The following RFX3 variants were observed in gnomAD, a reference collection of about 807,000 sequenced individuals.
RFX3 encodes regulatory factor X3, also known as transcription factor RFX3.
Under a neutral mutation model 98.6 loss-of-function variants are expected in RFX3, and 14 were observed. The observed-to-expected ratio is 0.14, with a 90% CI of 0.09 to 0.22. RFX3 has a LOEUF of 0.22. RFX3 is among the 10% of genes least tolerant of loss of function. The pLI, the probability that RFX3 is intolerant of heterozygous loss-of-function variation, is 1.00. For missense variants in RFX3, 639 were observed against 926.9 expected, an observed-to-expected ratio of 0.69 and a Z score of 4.03; for synonymous variants, 383 against 328.4, an observed-to-expected ratio of 1.17 and a Z score of -1.80.
At chr9:3,323,853 C>A (rs1280049663) in intron 4 of RFX3, 2 of 190,470 alleles carry the variant, frequency 1.1e-5, no homozygotes, top group Non-Finnish European at 2.5e-5. Context: ...TGTCTTACAG[C>A]CCTAATGGTA....
chr9:3,488,902 C>G (rs1455363339), intron 1 of RFX3: 1 of 984,534 alleles, frequency 1.0e-6, no homozygotes, highest in East Asian at 1.1e-4. Context: ...GCTGCTAAAA[C>G]AAAGACCATA....
chr9:3,338,132 G>C (rs1343685334), intron 3 of RFX3, among the ~76,000 whole-genome samples: 1 of 152,124 alleles, frequency 6.6e-6, no homozygotes, highest in Admixed American at 6.5e-5. Flanking sequence ...GAATTCAAGT[G>C]ACCTGATATT....
chr9:3,241,339 G>C (rs1175699655), intron 15 of RFX3, among the ~76,000 whole-genome samples: 1 of 151,616 alleles, frequency 6.6e-6, no homozygotes, highest in Non-Finnish European at 1.5e-5. Context: ...AGTATTTTTA[G>C]GGTACCTATT....
chr9:3,398,339 CA>C (rs35349999), intron 1 of RFX3, among the ~76,000 whole-genome samples: 27,367 of 139,932 alleles, frequency 0.2, 3,613 homozygotes, highest in African/African-American at 0.39. Flanking sequence ...AGACAGGAAA[CA>C]AAAAAAAAAA....
chr9:3,406,264 C>A (rs1404772830), intron 1 of RFX3, among the ~76,000 whole-genome samples: 4 of 151,728 alleles, frequency 2.6e-5, no homozygotes, highest in African/African-American at 9.7e-5. Flanking sequence ...ACTCGGCCAA[C>A]CCTGGGGACA....
chr9:3,445,628 T>C (rs1247552547), intron 1 of RFX3, among the ~76,000 whole-genome samples: 4 of 152,180 alleles, frequency 2.6e-5, no homozygotes, highest in Non-Finnish European at 4.4e-5. Flanking sequence ...CCCAATTTAT[T>C]TTTTAAAAAT....
chr9:3,384,337 C>G (rs796978842), intron 2 of RFX3, among the ~76,000 whole-genome samples: 5 of 152,216 alleles, frequency 3.3e-5, no homozygotes, highest in African/African-American at 1.2e-4. Flanking sequence ...AATATGTGCC[C>G]CACTCCTGAA....
chr9:3,388,961 A>C (rs564294117), intron 2 of RFX3, among the ~76,000 whole-genome samples: 1 of 152,252 alleles, frequency 6.6e-6, no homozygotes, highest in Non-Finnish European at 1.5e-5. Context: ...GATAGTAGAG[A>C]GGAGGACTAC....
Position 3,439,111 on chromosome 9 carries a change from G to C in RFX3, c.-8-43515C>G, listed in dbSNP as rs1055148675. Among the ~76,000 whole-genome samples, 5 of 151,664 alleles carry C rather than the reference G, an allele frequency of 3.3e-5. No individual in the cohort carries two copies. In the East Asian group the frequency reaches 9.6e-4, roughly 29 times the overall value. On this transcript the variant is annotated intron_variant, in intron 1 of 16. Coordinates refer to ENST00000617270, the MANE Select transcript of RFX3 (RefSeq NM_001282116.2). Reference sequence around the variant, plus strand: ...AAGAAACAAAAACGGGGATTAGAAAGTATTTTAAACTGAACGAAATTAAAA... The same window carrying C: ...AAGAAACAAAAACGGGGATTAGAAACTATTTTAAACTGAACGAAATTAAAA...
At chr9:3,449,886 GA>G (rs78122917) in intron 1 of RFX3, among the ~76,000 whole-genome samples, 4,922 of 100,192 alleles carry the variant, frequency 0.049, 273 homozygotes, top group African/African-American at 0.15. Context: ...AAAAAGAAAA[GA>G]AAAAAAAAAA....
chr9:3,244,159 C>T (rs969084670), intron 15 of RFX3, among the ~76,000 whole-genome samples: 9 of 152,014 alleles, frequency 5.9e-5, no homozygotes, highest in South Asian at 2.1e-4. Context: ...CATGCCACCA[C>T]GCCCGCCTAA....
At chr9:3,520,612 A>G (rs1818613182) in intron 1 of RFX3, among the ~76,000 whole-genome samples, 1 of 152,212 alleles carries the variant, frequency 6.6e-6, no homozygotes, top group Admixed American at 6.5e-5. Context: ...GTTTTCAGAT[A>G]ATAAGCCAAA....
chr9:3,407,206 A>T (rs928136033), intron 1 of RFX3, among the ~76,000 whole-genome samples: 1 of 152,178 alleles, frequency 6.6e-6, no homozygotes, highest in Non-Finnish European at 1.5e-5. Flanking sequence ...GCTTGGTAAC[A>T]TTCAACTGAT....
chr9:3,509,687 C>T (rs1242586594), intron 1 of RFX3, among the ~76,000 whole-genome samples: 3 of 151,836 alleles, frequency 2.0e-5, no homozygotes, highest in Non-Finnish European at 4.4e-5. Flanking sequence ...TTTATGCAAA[C>T]TTTGAATGCA....
intron 1 of RFX3, among the ~76,000 whole-genome samples, chr9:3,467,126 G>GTATATATGTATATACATATA (rs1564138954): frequency 8.1e-6 from 1 of 123,558 alleles, no homozygotes; most frequent in African/African-American, 3.7e-5. Flanking sequence ...ATACATATAT[G>GTATATATGTATATACATATA]TAAGTATATA....
chr9:3,260,373 T>C (rs979611310), intron 13 of RFX3, among the ~76,000 whole-genome samples: 3 of 151,968 alleles, frequency 2.0e-5, no homozygotes, highest in African/African-American at 7.2e-5. Flanking sequence ...TATGCAAAAA[T>C]GTTCCCAAGG....
chr9:3,311,885 C>T (rs921796216), intron 4 of RFX3, among the ~76,000 whole-genome samples: 1 of 151,994 alleles, frequency 6.6e-6, no homozygotes, highest in African/African-American at 2.4e-5. Context: ...CTCTGCCCAC[C>T]CCCCTACTCC....
intron 1 of RFX3, among the ~76,000 whole-genome samples, chr9:3,500,974 G>A (rs550857371): frequency 1.3e-5 from 2 of 152,206 alleles, no homozygotes; most frequent in African/African-American, 4.8e-5. Flanking sequence ...AAAACCAACA[G>A]GTATGGATAT....
intron 2 of RFX3, among the ~76,000 whole-genome samples, chr9:3,382,095 T>TGTG (rs1210630181): frequency 6.6e-6 from 1 of 152,142 alleles, no homozygotes; most frequent in Admixed American, 6.5e-5. Flanking sequence ...GATGTAGTGG[T>TGTG]GATCACAGCT....
Sources: allele counts gnomAD v4.1 joint callset (sites outside exome capture counted in the v4.1 genomes callset), GRCh38; gene constraint gnomAD v4.1.1; transcripts MANE v1.5; gene names NCBI Gene and HGNC (gene_info 2026-07-23, HGNC 2026-07-21).